The following RASAL2 variants were observed in gnomAD, a reference collection of about 807,000 sequenced individuals.
The protein encoded by RASAL2 is RAS protein activator like 2, also known as ras GTPase-activating protein nGAP.
In RASAL2, 58 loss-of-function variants were observed where a neutral mutation model predicts 128.9. That is an observed-to-expected ratio of 0.45 (90% confidence interval 0.36 to 0.56). The LOEUF is 0.56. Among genes scored for constraint, RASAL2 ranks in the 20% least tolerant of loss-of-function variants. RASAL2 has a pLI of 0.00. For synonymous variants in RASAL2, 561 were observed against 580.8 expected (o/e 0.97, Z 0.49); for missense variants, 1,360 against 1,601.6 (o/e 0.85, Z 2.57).
chr1:178,409,770 G>C (rs899871083), intron 4 of RASAL2, among the ~76,000 whole-genome samples: 8 of 152,208 alleles, frequency 5.3e-5, no homozygotes, highest in Non-Finnish European at 8.8e-5. Flanking sequence ...TATGTAAGCA[G>C]TTGCTCAGAA....
At position 178,458,376 on chromosome 1, in the gene RASAL2, C is replaced by G; in HGVS notation, c.3084C>G (p.Ser1028=). The part of the protein sequence containing the change: ...GLGARAKAPP[S]LPHSASLRST... ...GTGCCCGAGCCAAAGCCCCACCATCCCTGCCACACAGTGCTTCTTTACGTA... is the reference window on the plus strand; with the variant it reads ...GTGCCCGAGCCAAAGCCCCACCATCGCTGCCACACAGTGCTTCTTTACGTA... Residue 1028 remains serine (S), a synonymous_variant, in exon 14 of 18, where the codon TCC becomes TCG. Coordinates refer to ENST00000367649, the MANE Select transcript of RASAL2 (RefSeq NM_170692.4). The G allele has an allele frequency of 6.2e-7, 1 of 1,614,218 alleles. No individual in the cohort carries two copies.
In RASAL2 at chr1:178,478,424, G is replaced by C. The variant is rs369942894; in HGVS notation, c.*5185G>C. On this transcript the variant is annotated 3_prime_UTR_variant, in exon 18 of 18. Coordinates refer to ENST00000367649, the MANE Select transcript of RASAL2 (RefSeq NM_170692.4). The stretch of plus-strand genomic sequence containing the variant: ...TTGACTGGTGCTTAGACATTTCCTA[G>C]TTATATTAACTTAAGCAGACAGCAG... 1 of 152,140 alleles carries C rather than the reference G, an allele frequency of 6.6e-6. No homozygotes were observed. Among genetic ancestry groups the C allele is most frequent in the African/African-American group, 2.4e-5 (1 of 41,442 alleles). 9.4% of individuals were successfully genotyped at this position (152,140 alleles called of 1,614,324 possible). A position where few individuals can be genotyped will look rare whatever the true frequency, so the allele number is the denominator to read the frequency against.
intron 3 of RASAL2, among the ~76,000 whole-genome samples, chr1:178,331,712 G>A (rs1669322177): frequency 1.3e-5 from 2 of 148,934 alleles, no homozygotes; most frequent in South Asian, 2.1e-4. Context: ...TCAGCCTCCC[G>A]AATAGCTAGG....
At chr1:178,324,878 G>T (rs906913746) in intron 3 of RASAL2, among the ~76,000 whole-genome samples, 1 of 152,074 alleles carries the variant, frequency 6.6e-6, no homozygotes, top group African/African-American at 2.4e-5. Flanking sequence ...CTGCCTCAAG[G>T]AATGAAGTTT....
At chr1:178,188,816 G>GT (rs1434859882) in intron 1 of RASAL2, among the ~76,000 whole-genome samples, 1 of 152,060 alleles carries the variant, frequency 6.6e-6, no homozygotes, top group African/African-American at 2.4e-5. Context: ...AGCTTAAATT[G>GT]TTTTGCTTGA....
At chr1:178,202,857 G>T (rs532501733) in intron 1 of RASAL2, among the ~76,000 whole-genome samples, 6 of 152,206 alleles carry the variant, frequency 3.9e-5, no homozygotes, top group Non-Finnish European at 8.8e-5. Flanking sequence ...TGCCCAATGG[G>T]CCCATGAACA....
chr1:178,459,062 A>G (rs1677990165), intron 14 of RASAL2, among the ~76,000 whole-genome samples: 6 of 152,186 alleles, frequency 3.9e-5, no homozygotes, highest in Non-Finnish European at 4.4e-5. Flanking sequence ...AAACACTTGA[A>G]CACCTGTAGA....
chr1:178,163,116 G>A (rs1019748565), intron 1 of RASAL2, among the ~76,000 whole-genome samples: 1 of 151,056 alleles, frequency 6.6e-6, no homozygotes, highest in Admixed American at 6.6e-5. Context: ...GCTTACAGGC[G>A]CACACCATGC....
rs75256395 is a variant in RASAL2 at position 178,192,923 on chromosome 1, A to G, written c.203-90641A>G. ...TGCATTACTTCTTGGGTATGTGCAC[A>G]TTTCCAGTTCCCACAGAGAAGCCGA... is the stretch of plus-strand genomic sequence containing the variant. On this transcript the variant is annotated intron_variant, in intron 1 of 17. Transcript: ENST00000367649. 2.4e-3 allele frequency among the ~76,000 whole-genome samples: 368 copies of G among 152,270 alleles called. 1 individual carries two copies. The highest frequency in any genetic ancestry group is 8.6e-3 in the African/African-American group (357 of 41,562).
chr1:178,149,486 C>G (rs888964642), intron 1 of RASAL2, among the ~76,000 whole-genome samples: 1 of 151,708 alleles, frequency 6.6e-6, no homozygotes, highest in African/African-American at 2.4e-5. Flanking sequence ...TGTATTCTTT[C>G]TTTCTGCTTG....
intron 1 of RASAL2, among the ~76,000 whole-genome samples, chr1:178,270,630 T>C (rs1405720032): frequency 6.0e-5 from 9 of 150,594 alleles, no homozygotes; most frequent in African/African-American, 2.2e-4. Context: ...TGTCTCTCTT[T>C]TTTTTTTTTT....
chr1:178,162,532 T>C (rs1392128728), intron 1 of RASAL2, among the ~76,000 whole-genome samples: 2 of 116,552 alleles, frequency 1.7e-5, no homozygotes, highest in East Asian at 4.4e-4. Context: ...AAGTATAATA[T>C]ATCTTTATAT....
intron 1 of RASAL2, among the ~76,000 whole-genome samples, chr1:178,206,747 T>C (rs891721372): frequency 1.3e-5 from 2 of 152,204 alleles, no homozygotes; most frequent in Non-Finnish European, 2.9e-5. Flanking sequence ...TTTTTTATAA[T>C]GTTACTTCTA....
At chr1:178,244,024 G>A (rs1664647772) in intron 1 of RASAL2, among the ~76,000 whole-genome samples, 1 of 152,076 alleles carries the variant, frequency 6.6e-6, no homozygotes, top group African/African-American at 2.4e-5. Context: ...TTTTTACATG[G>A]AATCTGAGCA....
In RASAL2 at chr1:178,102,790, C is replaced by T. The variant is rs1171816467; in HGVS notation, c.202+8096C>T. Among the ~76,000 whole-genome samples the T allele has an allele frequency of 3.3e-5, 5 of 152,164 alleles. No homozygotes were observed. In the East Asian group the frequency reaches 9.6e-4, roughly 29 times the overall value. Reference sequence around the variant, plus strand: ...ATGAGCTCTCTCTTACTCTTCCTCCCTGCCTCTACAACTTGCCATCTGGCA... The same window carrying T: ...ATGAGCTCTCTCTTACTCTTCCTCCTTGCCTCTACAACTTGCCATCTGGCA... On this transcript the variant is annotated intron_variant, in intron 1 of 17. Coordinates refer to ENST00000367649, the MANE Select transcript of RASAL2 (RefSeq NM_170692.4).
At chr1:178,109,024 T>C (rs773403932) in intron 1 of RASAL2, among the ~76,000 whole-genome samples, 14 of 152,232 alleles carry the variant, frequency 9.2e-5, no homozygotes, top group African/African-American at 3.4e-4. Context: ...CTATTACTTA[T>C]GTTTGATCAA....
chr1:178,149,808 A>T (rs1050401451), intron 1 of RASAL2, among the ~76,000 whole-genome samples: 2 of 152,168 alleles, frequency 1.3e-5, no homozygotes, highest in African/African-American at 2.4e-5. Flanking sequence ...TACATTTAAC[A>T]TGCAAATAGG....
At position 178,289,147 on chromosome 1, in the gene RASAL2, A is replaced by C. The variant is rs1667165627; in HGVS notation, c.330+5456A>C. The stretch of plus-strand genomic sequence containing the variant: ...TGCCAGAATTGTGCTTGTTAAGCTC[A>C]CTAGTGACCTTCCCATTGTTAAATT... On this transcript the variant is annotated intron_variant, in intron 2 of 17. Transcript: ENST00000367649. Among the ~76,000 whole-genome samples the C allele has an allele frequency of 2.6e-5, 4 of 152,132 alleles. No individual in the cohort carries two copies. The South Asian group carries it at 8.3e-4, about 32-fold the overall frequency.
chr1:178,303,751 T>C (rs1432765066), intron 3 of RASAL2, among the ~76,000 whole-genome samples: 1 of 152,100 alleles, frequency 6.6e-6, no homozygotes. Context: ...AAAGGGCTTT[T>C]ATCTAGTATA....
Sources: gnomAD v4.1 joint callset for allele counts (sites outside exome capture counted in the v4.1 genomes callset) on GRCh38, gnomAD v4.1.1 for gene constraint, MANE v1.5 for transcripts, NCBI Gene and HGNC (gene_info 2026-07-23, HGNC 2026-07-21) for gene names.